The following NFATC2 variants were observed in gnomAD, a reference collection of about 807,000 sequenced individuals.
NFATC2 encodes nuclear factor of activated T cells 2.
A neutral mutation model predicts 87.3 loss-of-function variants in NFATC2; 22 were observed. The observed-to-expected ratio is 0.25, with a 90% CI of 0.18 to 0.36. The LOEUF is 0.36. Ranked by LOEUF, NFATC2 falls within the 10% of genes least tolerant of loss-of-function variation. The pLI, the probability that NFATC2 is intolerant of heterozygous loss-of-function variation, is 1.00. For missense variants in NFATC2, 1,149 were observed against 1,259.1 expected, an observed-to-expected ratio of 0.91 and a Z score of 1.32; for synonymous variants, 565 against 542.2, an observed-to-expected ratio of 1.04 and a Z score of -0.58.
At chr20:51,457,185 T>A (rs1215284577) in intron 5 of NFATC2, among the ~76,000 whole-genome samples, 1 of 152,260 alleles carries the variant, frequency 6.6e-6, no homozygotes, top group East Asian at 1.9e-4. Flanking sequence ...TGAGATTTAT[T>A]AGCAGCAAGA....
At chr20:51,466,618 A>G (rs930541746) in intron 5 of NFATC2, among the ~76,000 whole-genome samples, 8 of 152,192 alleles carry the variant, frequency 5.3e-5, no homozygotes, top group African/African-American at 1.9e-4. Flanking sequence ...CCAAACATGA[A>G]ACCAGAACCG....
chr20:51,524,803 C>CG lies in NFATC2; in HGVS notation c.131-694dup, dbSNP rs1207529034. ...CAAATGAGGAAACTGAGGCCCAGAG[C>CG]GGGGAAAAGGCCCACCGAAAGATAC... On this transcript the variant is annotated intron_variant, in intron 1 of 10. Coordinates refer to ENST00000371564, the MANE Select transcript of NFATC2 (RefSeq NM_012340.5). This position sits in a 1 kb window ranked among gnomAD's most constrained non-coding sequence, Gnocchi z 4.0. Among the ~76,000 whole-genome samples, 1 of 152,046 alleles carries CG rather than the reference C, an allele frequency of 6.6e-6. No individual in the cohort carries two copies. Among genetic ancestry groups the CG allele is most frequent in the Non-Finnish European group, 1.5e-5 (1 of 68,010 alleles).
chr20:51,537,420 T>TA (rs200334079), intron 1 of NFATC2, among the ~76,000 whole-genome samples: 2,973 of 152,250 alleles, frequency 0.02, 44 homozygotes, highest in South Asian at 0.055. Flanking sequence ...ATAGACTCTA[T>TA]AAAACAACCA....
Position 51,524,010 on chromosome 20 carries a change from A to T in NFATC2, c.231T>A (p.Ser77Arg), listed in dbSNP as rs2076501687. 1 of 1,564,128 alleles carries T rather than the reference A, an allele frequency of 6.4e-7. No homozygotes were observed. The highest frequency in any genetic ancestry group is 1.4e-5 in the African/African-American group (1 of 72,098). ...YGLKPYSPLA[S>R]LSGEPPGRFG... ...ATCGGCCGGGGGGCTCGCCAGAGAG[A>T]CTAGCAAGGGGGCTGTATGGCTTGA... is the stretch of plus-strand genomic sequence containing the variant. The change falls in exon 2 of 11, where the codon AGT becomes AGA. Residue 77 changes from serine to arginine, a missense_variant. By Grantham distance (110) the Ser-to-Arg change is moderately radical (BLOSUM62 -1). Around this residue, in one of 3 missense-constraint regions of NFATC2, gnomAD observed 563 missense variants for 585.2 expected, o/e 0.96. Coordinates refer to ENST00000371564, the MANE Select transcript of NFATC2 (RefSeq NM_012340.5). This position sits in a 1 kb window ranked among gnomAD's most constrained non-coding sequence, Gnocchi z 4.0.
intron 9 of NFATC2, among the ~76,000 whole-genome samples, chr20:51,412,930 C>T (rs1424836776): frequency 2.0e-5 from 3 of 151,292 alleles, no homozygotes; most frequent in African/African-American, 7.3e-5. Context: ...AGGAGAAGCA[C>T]AGGATGAGGC....
intron 1 of NFATC2, among the ~76,000 whole-genome samples, chr20:51,555,887 G>C (rs1425402704): frequency 6.6e-6 from 1 of 152,154 alleles, no homozygotes; most frequent in East Asian, 1.9e-4. Flanking sequence ...AGATTGAATC[G>C]TCCCTCCTGA....
chr20:51,417,704 A>C (rs1980241434), intron 9 of NFATC2, among the ~76,000 whole-genome samples: 2 of 152,244 alleles, frequency 1.3e-5, no homozygotes, highest in African/African-American at 4.8e-5. Context: ...CTCTGCCAGC[A>C]GGGAGGCCCC....
chr20:51,525,751 C>G (rs1443498138), intron 1 of NFATC2, among the ~76,000 whole-genome samples: 1 of 152,118 alleles, frequency 6.6e-6, no homozygotes, highest in Non-Finnish European at 1.5e-5. Flanking sequence ...CCCATGGGGA[C>G]TACTGCAGTC....
intron 3 of NFATC2, among the ~76,000 whole-genome samples, chr20:51,504,831 C>A (rs2076149034): frequency 6.6e-6 from 1 of 152,032 alleles, no homozygotes; most frequent in Non-Finnish European, 1.5e-5. Context: ...GCTGTCACCT[C>A]CCCTGCAGTC....
At chr20:51,393,830 T>C (rs572039503) in intron 10 of NFATC2, among the ~76,000 whole-genome samples, 6 of 152,248 alleles carry the variant, frequency 3.9e-5, no homozygotes, top group Admixed American at 2.6e-4. Flanking sequence ...TAAAATTAGC[T>C]GGTAGGCAGA....
chr20:51,498,811 C>T (rs568467891), intron 3 of NFATC2, among the ~76,000 whole-genome samples: 3 of 152,122 alleles, frequency 2.0e-5, no homozygotes, highest in Non-Finnish European at 4.4e-5. Flanking sequence ...AGTAGAAAGA[C>T]AGATGATGGC....
intron 3 of NFATC2, among the ~76,000 whole-genome samples, chr20:51,487,044 G>T (rs1372227626): frequency 6.6e-6 from 1 of 152,208 alleles, no homozygotes; most frequent in East Asian, 1.9e-4. Context: ...GCTGCCAAGT[G>T]TTTACCCGAA....
rs34489487 is a variant in NFATC2 at position 51,504,999 on chromosome 20, C to CTTTTTTTTTTT, written c.1332+11774_1332+11784dup. Among the ~76,000 whole-genome samples, 5 of 72,504 alleles carry CTTTTTTTTTTT rather than the reference C, an allele frequency of 6.9e-5. 1 individual carries two copies. The highest frequency in any genetic ancestry group is 2.0e-4 in the Admixed American group (1 of 5,078). The allele number at this position is 72,504 out of a possible 152,430, so 47.6% of individuals were successfully genotyped here. A position where few individuals can be genotyped will look rare whatever the true frequency, so the allele number is the denominator to read the frequency against. ...GGTCATGAAGAGTGCTATCTAGTTCCTTTTTTTTTTTTTTTTTTTTTTTTT... is the reference window on the plus strand; with the variant it reads ...GGTCATGAAGAGTGCTATCTAGTTCCTTTTTTTTTTTTTTTTTTTTTTTTTTTTTTTTTTTT... On this transcript the variant is annotated intron_variant, in intron 3 of 10. Transcript: ENST00000371564.
At chr20:51,553,654 C>T (rs918847554) in intron 1 of NFATC2, among the ~76,000 whole-genome samples, 6 of 130,076 alleles carry the variant, frequency 4.6e-5, no homozygotes, top group Non-Finnish European at 6.3e-5. Flanking sequence ...CCAGCCTGGG[C>T]GACAGAGCAA....
chr20:51,475,669 G>A lies in NFATC2; in HGVS notation c.1333-9C>T, dbSNP rs771984768. 6.2e-7 allele frequency: 1 copy of A among 1,613,826 alleles called. No homozygotes were observed. The highest frequency in any genetic ancestry group is 1.1e-5 in the South Asian group (1 of 91,040). On this transcript the variant is annotated splice_polypyrimidine_tract_variant and intron_variant, in intron 3 of 10. Coordinates refer to ENST00000371564, the MANE Select transcript of NFATC2 (RefSeq NM_012340.5). ...TCCATGTAGCCATGGAGCTGGTGGGGGAGAAAACAAAATCATTAAGGTGCG... is the reference window on the plus strand; with the variant it reads ...TCCATGTAGCCATGGAGCTGGTGGGAGAGAAAACAAAATCATTAAGGTGCG...
intron 6 of NFATC2, among the ~76,000 whole-genome samples, chr20:51,450,748 C>T (rs962978062): frequency 2.0e-5 from 3 of 152,192 alleles, no homozygotes; most frequent in Non-Finnish European, 4.4e-5. Flanking sequence ...CGGAAAGTGG[C>T]AGGCACAGGG....
chr20:51,561,349 G>GAA (rs771030266), intron 1 of NFATC2, among the ~76,000 whole-genome samples: 1,728 of 93,852 alleles, frequency 0.018, 89 homozygotes, highest in African/African-American at 0.07. Context: ...GAAAGAAAGA[G>GAA]AGAGAAAGAA....
At chr20:51,519,336 T>C (rs770003934) in intron 2 of NFATC2, among the ~76,000 whole-genome samples, 2 of 151,636 alleles carry the variant, frequency 1.3e-5, no homozygotes, top group African/African-American at 2.4e-5. Context: ...AAATACAATC[T>C]GAAGAAGTAG....
intron 9 of NFATC2, among the ~76,000 whole-genome samples, chr20:51,412,271 G>C (rs1979366682): frequency 6.6e-6 from 1 of 152,240 alleles, no homozygotes; most frequent in East Asian, 1.9e-4. Context: ...GCATCACACA[G>C]CTGGGGGTGA....
Sources: gnomAD v4.1 joint callset for allele counts (sites outside exome capture counted in the v4.1 genomes callset) on GRCh38, gnomAD v4.1.1 for gene constraint, gnomAD v4.1.1 regional missense constraint, Gnocchi (gnomAD v3.1) non-coding constraint, MANE v1.5 for transcripts, NCBI Gene and HGNC (gene_info 2026-07-23, HGNC 2026-07-21) for gene names.